Variants in PCNX2 observed in about 807,000 individuals in gnomAD.
The protein encoded by PCNX2 is pecanex-like protein 2.
PCNX2 carries 168 observed loss-of-function variants against 223.8 expected under a neutral mutation model. That is an observed-to-expected ratio of 0.75 (90% CI 0.66 to 0.85). The LOEUF (loss-of-function observed/expected upper bound fraction) is 0.85, where lower values mean the gene tolerates loss of function less well. Ranked by LOEUF, PCNX2 falls within the 40% of genes least tolerant of loss-of-function variation. The probability of loss-of-function intolerance (pLI) is 0.00; values close to 1 mark genes in which losing one functional copy is unlikely to be tolerated. For synonymous variants in PCNX2, 1,006 were observed against 1,052.6 expected (o/e 0.96, Z 0.86); for missense variants, 2,507 against 2,675.5 (o/e 0.94, Z 1.39).
chr1:232,993,685 T>C (rs1669782582), intron 32 of PCNX2, among the ~76,000 whole-genome samples: 1 of 152,246 alleles, frequency 6.6e-6, no homozygotes, highest in Non-Finnish European at 1.5e-5. Context: ...TTCAGAGATC[T>C]TCACGGAAGC....
intron 21 of PCNX2, among the ~76,000 whole-genome samples, chr1:233,129,600 T>C (rs1676332695): frequency 2.0e-5 from 3 of 152,228 alleles, no homozygotes; most frequent in South Asian, 4.1e-4. Context: ...AGTGGGGACT[T>C]GGAGAACCTT....
intron 21 of PCNX2, among the ~76,000 whole-genome samples, chr1:233,124,407 G>A (rs1191550021): frequency 1.3e-5 from 2 of 152,188 alleles, no homozygotes; most frequent in Admixed American, 6.5e-5. Context: ...AGCGCAGTGA[G>A]GGAAAGTGAG....
rs1255684151 is a variant in PCNX2, at chr1:233,139,201, T to C, written c.3659+513A>G. Among the ~76,000 whole-genome samples, 2 of 152,236 alleles carry C rather than the reference T, an allele frequency of 1.3e-5. No individual in the cohort carries two copies. The highest frequency in any genetic ancestry group is 4.8e-5 in the African/African-American group (2 of 41,464). On this transcript the variant is annotated intron_variant, in intron 20 of 33. Transcript: ENST00000258229. The surrounding 1 kb of genome is among the most constrained non-coding windows in gnomAD (Gnocchi z 4.4). ...ACTCGACTGTACATTGTTAATGCTT[T>C]GAAAGACATGGGCATCTTGACAGAA...
At chr1:233,077,647 G>T (rs1673155009) in intron 23 of PCNX2, among the ~76,000 whole-genome samples, 1 of 152,078 alleles carries the variant, frequency 6.6e-6, no homozygotes, top group Non-Finnish European at 1.5e-5. Context: ...AGGCAAATAA[G>T]CTCCAACTAC....
At chr1:233,188,918 A>C (rs928384573) in intron 15 of PCNX2, among the ~76,000 whole-genome samples, 1 of 152,218 alleles carries the variant, frequency 6.6e-6, no homozygotes, top group African/African-American at 2.4e-5. Context: ...CAGATAATGT[A>C]ACTTCATCAC....
intron 19 of PCNX2, among the ~76,000 whole-genome samples, chr1:233,141,882 C>T (rs145456719): frequency 9.9e-5 from 15 of 151,494 alleles, no homozygotes; most frequent in African/African-American, 3.4e-4. Flanking sequence ...GAATAGACAG[C>T]GTGAAAGTCC....
At chr1:233,290,348 A>C (rs1431339686) in intron 1 of PCNX2, among the ~76,000 whole-genome samples, 1 of 152,222 alleles carries the variant, frequency 6.6e-6, no homozygotes, top group East Asian at 1.9e-4. Context: ...GCATCAAGAA[A>C]ATAAAGTAGA....
chr1:233,079,523 G>A (rs113056487), intron 23 of PCNX2, among the ~76,000 whole-genome samples: 2 of 131,254 alleles, frequency 1.5e-5, no homozygotes, highest in South Asian at 2.4e-4. Flanking sequence ...GCAACACTCC[G>A]TCTCAAAAAA....
At chr1:233,217,993 C>T in intron 11 of PCNX2, 38 bp downstream of exon 11, 1 of 1,612,942 alleles carries the variant, frequency 6.2e-7, no homozygotes, top group South Asian at 1.1e-5. Context: ...ACATTAGTGA[C>T]AGCACACGCT....
Position 233,017,025 on chromosome 1 carries a change from T to C in PCNX2, c.4735A>G (p.Asn1579Asp), listed in dbSNP as rs937067606. The C allele has an allele frequency of 3.1e-6, 5 of 1,614,064 alleles. No homozygotes were observed. Among genetic ancestry groups the C allele is most frequent in the Non-Finnish European group, 4.2e-6 (5 of 1,179,892 alleles). Reference protein sequence around the residue: ...IERDLAMFNINIDDDYVPCLQ... With the variant: ...IERDLAMFNIDIDDDYVPCLQ... ...CACGGGACGTAGTCATCATCAATGT[T>C]AATGTTGAACATTGCAAGGTCACGC... Residue 1579 changes from asparagine (N) to aspartate (D), a missense_variant, in exon 27 of 34, where the codon AAC becomes GAC. Physicochemically the swap from Asn to Asp is conservative, Grantham distance 23. Around this residue, in one of 3 missense-constraint regions of PCNX2, gnomAD observed 1,372 missense variants for 1,509.4 expected, o/e 0.91. Coordinates refer to ENST00000258229, the MANE Select transcript of PCNX2 (RefSeq NM_014801.4).
chr1:233,273,497 C>A (rs1312904905), intron 1 of PCNX2, among the ~76,000 whole-genome samples: 1 of 152,162 alleles, frequency 6.6e-6, no homozygotes, highest in Non-Finnish European at 1.5e-5. Context: ...GTCTCAGAAT[C>A]CTTCTTTCCT....
chr1:233,023,406 G>A (rs1392035432), intron 26 of PCNX2, among the ~76,000 whole-genome samples: 1 of 152,188 alleles, frequency 6.6e-6, no homozygotes, highest in African/African-American at 2.4e-5. Context: ...CAGCTTCCTA[G>A]AACCTCATTA....
chr1:233,045,893 G>A lies in PCNX2; in HGVS notation c.4351+8375C>T, dbSNP rs546144166. Among the ~76,000 whole-genome samples, 10 of 152,348 alleles carry A rather than the reference G, an allele frequency of 6.6e-5. No individual in the cohort carries two copies. The South Asian group carries it at 2.1e-3, about 32-fold the overall frequency. The stretch of plus-strand genomic sequence containing the variant: ...CCTTCACAGCTGTGGTGTGATTTTA[G>A]ACTTGGCCCTTGTCCAATAGCTGCA... On this transcript the variant is annotated intron_variant, in intron 25 of 33. Coordinates refer to ENST00000258229, the MANE Select transcript of PCNX2 (RefSeq NM_014801.4).
rs187788110 is a variant in PCNX2 at position 233,286,463 on chromosome 1, T to C, written c.153+8863A>G. On this transcript the variant is annotated intron_variant, in intron 1 of 33. Transcript: ENST00000258229. ...CTTTGATGGAGGTATGAGCTTGGCC[T>C]GCCCTCCTAGAGTGTGGTGGGGAAA... Among the ~76,000 whole-genome samples the C allele has an allele frequency of 3.3e-5, 5 of 152,272 alleles. No individual in the cohort carries two copies. In the East Asian group the frequency reaches 9.7e-4, roughly 29 times the overall value.
At chr1:233,142,715 T>C (rs567033848) in intron 19 of PCNX2, among the ~76,000 whole-genome samples, 1 of 152,324 alleles carries the variant, frequency 6.6e-6, no homozygotes, top group African/African-American at 2.4e-5. Flanking sequence ...CTGACATGCA[T>C]GTGGCAGGAC....
chr1:233,073,395 A>G (rs1435060202), intron 23 of PCNX2, among the ~76,000 whole-genome samples: 1 of 152,080 alleles, frequency 6.6e-6, no homozygotes, highest in Non-Finnish European at 1.5e-5. Context: ...TAGTCTAATC[A>G]TTCTGTCTGC....
At position 233,180,456 on chromosome 1, in the gene PCNX2, C is replaced by T. The variant is rs369244531; in HGVS notation, c.3067-1281G>A. ...ATTTAATCTTCTCAATCACCATCAG[C>T]AGAATCACTGATGCCTTCTGAAAGC... is the stretch of plus-strand genomic sequence containing the variant. On this transcript the variant is annotated intron_variant, in intron 15 of 33. Transcript: ENST00000258229. Among the ~76,000 whole-genome samples the T allele has an allele frequency of 9.6e-4, 146 of 152,256 alleles. 3 individuals carry two copies. The South Asian group carries it at 0.03, about 31-fold the overall frequency.
intron 25 of PCNX2, 92 bp downstream of exon 25, chr1:233,054,176 C>G: frequency 8.5e-7 from 1 of 1,170,338 alleles, no homozygotes; most frequent in South Asian, 1.5e-5. Context: ...TTAAGTTTTT[C>G]CTGTTTAACA....
intron 15 of PCNX2, chr1:233,181,135 G>C (rs1376595667): frequency 6.6e-6 from 1 of 151,786 alleles, no homozygotes; most frequent in African/African-American, 2.4e-5. Context: ...CCTCACACTA[G>C]GATGTCCTAC....
Sources: gnomAD v4.1 joint callset for allele counts (sites outside exome capture counted in the v4.1 genomes callset) on GRCh38, gnomAD v4.1.1 for gene constraint, gnomAD v4.1.1 regional missense constraint, Gnocchi (gnomAD v3.1) non-coding constraint, MANE v1.5 for transcripts, NCBI Gene and HGNC (gene_info 2026-07-23, HGNC 2026-07-21) for gene names.